Variants in KCNK2 observed in about 807,000 individuals in gnomAD.
KCNK2 encodes potassium two pore domain channel subfamily K member 2.
Under a neutral mutation model 40.5 loss-of-function variants are expected in KCNK2, and 21 were observed. That is an observed-to-expected ratio of 0.52 (90% CI 0.37 to 0.75). KCNK2 has a LOEUF of 0.75. Ranked by LOEUF, KCNK2 falls within the 30% of genes least tolerant of loss-of-function variation. The pLI, the probability that KCNK2 is intolerant of heterozygous loss-of-function variation, is 0.00. For synonymous variants in KCNK2, 191 were observed against 202.2 expected, an observed-to-expected ratio of 0.94 and a Z score of 0.47; for missense variants, 399 against 531.6, an observed-to-expected ratio of 0.75 and a Z score of 2.45.
At chr1:215,029,207 C>G (rs1248267513) in intron 1 of KCNK2, among the ~76,000 whole-genome samples, 2 of 151,930 alleles carry the variant, frequency 1.3e-5, no homozygotes, top group African/African-American at 4.8e-5. Flanking sequence ...TGAACAAAAT[C>G]CACCAGCATA....
intron 5 of KCNK2, among the ~76,000 whole-genome samples, chr1:215,187,421 A>G (rs1326792023): frequency 6.6e-6 from 1 of 152,120 alleles, no homozygotes; most frequent in Non-Finnish European, 1.5e-5. Context: ...TGCCTTCCTG[A>G]GAGCTAAATC....
At chr1:215,233,519 T>C (rs931585434) in intron 6 of KCNK2, among the ~76,000 whole-genome samples, 8 of 152,086 alleles carry the variant, frequency 5.3e-5, no homozygotes, top group African/African-American at 9.7e-5. Flanking sequence ...CTTCCAAGTA[T>C]GTGTACATAT....
At chr1:215,059,059 A>G (rs141167921) in intron 1 of KCNK2, among the ~76,000 whole-genome samples, 5 of 148,446 alleles carry the variant, frequency 3.4e-5, no homozygotes, top group Admixed American at 3.4e-4. Context: ...ATACATGTGT[A>G]TATATATATA....
At chr1:215,073,329 A>C (rs1042977788) in intron 1 of KCNK2, among the ~76,000 whole-genome samples, 15 of 152,228 alleles carry the variant, frequency 9.9e-5, no homozygotes, top group Non-Finnish European at 2.1e-4. Flanking sequence ...TAGGAAACAC[A>C]GAAAGTTACT....
At chr1:215,061,522 C>A (rs1174012657) in intron 1 of KCNK2, among the ~76,000 whole-genome samples, 1 of 151,948 alleles carries the variant, frequency 6.6e-6, no homozygotes, top group East Asian at 1.9e-4. Context: ...AATCTCCAGA[C>A]AAAGAACAAG....
At chr1:215,118,189 A>T (rs1055600572) in intron 2 of KCNK2, among the ~76,000 whole-genome samples, 1 of 152,102 alleles carries the variant, frequency 6.6e-6, no homozygotes, top group East Asian at 1.9e-4. Flanking sequence ...AAAACAGCTC[A>T]CATCATCTGG....
intron 1 of KCNK2, among the ~76,000 whole-genome samples, chr1:215,017,100 G>C (rs1656620313): frequency 6.6e-6 from 1 of 152,088 alleles, no homozygotes; most frequent in African/African-American, 2.4e-5. Flanking sequence ...ACAAGTGTTG[G>C]TGAAGATGTG....
At chr1:215,209,378 AT>A (rs1225772617) in intron 6 of KCNK2, among the ~76,000 whole-genome samples, 2 of 47,192 alleles carry the variant, frequency 4.2e-5, no homozygotes, top group African/African-American at 6.8e-5. Flanking sequence ...TATATTATAT[AT>A]AAAATATATA....
chr1:215,172,262 A>G (rs1233095794), intron 5 of KCNK2, 79 bp downstream of exon 5: 2 of 1,303,532 alleles, frequency 1.5e-6, no homozygotes, highest in Non-Finnish European at 2.1e-6. Context: ...TTATAACGAA[A>G]CACAAGGGCT....
At chr1:215,146,343 A>G (rs532156114) in intron 3 of KCNK2, among the ~76,000 whole-genome samples, 2 of 152,344 alleles carry the variant, frequency 1.3e-5, no homozygotes, top group South Asian at 4.1e-4. Flanking sequence ...CATTCAAAAA[A>G]TAACATAAGA....
At chr1:215,159,494 C>T (rs545006951) in intron 3 of KCNK2, among the ~76,000 whole-genome samples, 52 of 152,004 alleles carry the variant, frequency 3.4e-4, no homozygotes, top group South Asian at 8.3e-4. Context: ...CAGAGGCGGA[C>T]GGTTATAGGG....
chr1:215,200,297 A>G (rs563340372), intron 6 of KCNK2, among the ~76,000 whole-genome samples: 72 of 152,246 alleles, frequency 4.7e-4, no homozygotes, highest in Middle Eastern at 3.4e-3. Flanking sequence ...TGTTTTGCTA[A>G]TTACCTGGTG....
intron 2 of KCNK2, among the ~76,000 whole-genome samples, chr1:215,120,804 A>G (rs1019437914): frequency 9.2e-5 from 14 of 152,152 alleles, no homozygotes; most frequent in Non-Finnish European, 2.1e-4. Flanking sequence ...CTAAAATCGA[A>G]CCATTTTATA....
intron 5 of KCNK2, among the ~76,000 whole-genome samples, chr1:215,190,203 A>G (rs756019784): frequency 3.3e-5 from 5 of 152,150 alleles, no homozygotes; most frequent in Non-Finnish European, 5.9e-5. Context: ...CAAGTTCTTT[A>G]GCATCGAAGA....
chr1:215,083,620 T>TC (rs1211839302), intron 1 of KCNK2, 189 bp downstream of exon 1: 13 of 598,706 alleles, frequency 2.2e-5, no homozygotes, highest in East Asian at 2.8e-5. Context: ...ACGCCGCTTC[T>TC]CCCCCCTCTC....
At chr1:215,050,159 T>C (rs1475933441) in intron 1 of KCNK2, among the ~76,000 whole-genome samples, 1 of 152,156 alleles carries the variant, frequency 6.6e-6, no homozygotes, top group Non-Finnish European at 1.5e-5. Context: ...TCTCCTTTGA[T>C]TTTTTTAATT....
intron 6 of KCNK2, among the ~76,000 whole-genome samples, chr1:215,210,667 C>G (rs1665704334): frequency 6.6e-6 from 1 of 152,036 alleles, no homozygotes; most frequent in Non-Finnish European, 1.5e-5. Flanking sequence ...GAGTAGCATT[C>G]TCCCTCAAGG....
At chr1:215,096,715 A>G (rs1659993047) in intron 2 of KCNK2, among the ~76,000 whole-genome samples, 2 of 151,964 alleles carry the variant, frequency 1.3e-5, no homozygotes, top group South Asian at 4.1e-4. Context: ...GGCAACACAG[A>G]CAAACTGATA....
At chr1:215,230,040 GATAT>G (rs1297157747) in intron 6 of KCNK2, among the ~76,000 whole-genome samples, 3 of 139,596 alleles carry the variant, frequency 2.1e-5, no homozygotes, top group Admixed American at 7.1e-5. Flanking sequence ...TACATATATA[GATAT>G]ATATACACAC....
Sources: gnomAD v4.1 joint callset for allele counts (sites outside exome capture counted in the v4.1 genomes callset) on GRCh38, gnomAD v4.1.1 for gene constraint, MANE v1.5 for transcripts, NCBI Gene and HGNC (gene_info 2026-07-23, HGNC 2026-07-21) for gene names.